The following FOXP2 variants were observed in gnomAD, a reference collection of about 807,000 sequenced individuals.
FOXP2 encodes the protein forkhead box P2.
Under a neutral mutation model 115.8 loss-of-function variants are expected in FOXP2, and 12 were observed. That is an observed-to-expected ratio of 0.10 (90% CI 0.07 to 0.17). The LOEUF (loss-of-function observed/expected upper bound fraction) is 0.17, where lower values mean the gene tolerates loss of function less well. Among genes scored for constraint, FOXP2 ranks in the 10% least tolerant of loss-of-function variants. The pLI, the probability that FOXP2 is intolerant of heterozygous loss-of-function variation, is 1.00. For synonymous variants in FOXP2, 328 were observed against 297.7 expected, an observed-to-expected ratio of 1.10 and a Z score of -1.05; for missense variants, 629 against 843.5, an observed-to-expected ratio of 0.75 and a Z score of 3.15.
intron 1 of FOXP2, among the ~76,000 whole-genome samples, chr7:114,269,860 A>G (rs781777657): frequency 5.3e-5 from 8 of 152,236 alleles, no homozygotes; most frequent in Admixed American, 2.0e-4. Flanking sequence ...CTAGAGCTCT[A>G]TGTTTGCAAA....
intron 1 of FOXP2, among the ~76,000 whole-genome samples, chr7:114,189,962 T>C (rs1793713113): frequency 6.6e-6 from 1 of 152,098 alleles, no homozygotes; most frequent in South Asian, 2.1e-4. Flanking sequence ...ATTGAAGAAA[T>C]TTTACTTTAG....
intron 3 of FOXP2, among the ~76,000 whole-genome samples, chr7:114,614,319 T>A (rs1031413883): frequency 1.3e-5 from 2 of 152,214 alleles, no homozygotes; most frequent in African/African-American, 4.8e-5. Context: ...AATGTTCATA[T>A]GTAAAAGAGA....
intron 1 of FOXP2, among the ~76,000 whole-genome samples, chr7:114,284,627 C>T (rs1249376687): frequency 6.6e-6 from 1 of 152,070 alleles, no homozygotes; most frequent in East Asian, 1.9e-4. Flanking sequence ...TAAATTAGTT[C>T]AACCATTATA....
intron 1 of FOXP2, among the ~76,000 whole-genome samples, chr7:114,214,297 C>T (rs1794432835): frequency 6.6e-6 from 1 of 152,122 alleles, no homozygotes; most frequent in Non-Finnish European, 1.5e-5. Context: ...GCTCACAGTC[C>T]TACTATACAG....
chr7:114,258,424 G>T (rs1795673087), intron 1 of FOXP2, among the ~76,000 whole-genome samples: 1 of 152,114 alleles, frequency 6.6e-6, no homozygotes, highest in Non-Finnish European at 1.5e-5. Flanking sequence ...AGTATTATAG[G>T]ATCACCTTTT....
At chr7:114,514,086 TACAC>T (rs141664873) in intron 2 of FOXP2, among the ~76,000 whole-genome samples, 8,633 of 148,470 alleles carry the variant, frequency 0.058, 286 homozygotes, top group Middle Eastern at 0.099. Flanking sequence ...TTGTATCTTA[TACAC>T]ACACACACAC....
At chr7:114,265,760 A>C (rs1443030412) in intron 1 of FOXP2, among the ~76,000 whole-genome samples, 1 of 152,044 alleles carries the variant, frequency 6.6e-6, no homozygotes, top group Non-Finnish European at 1.5e-5. Context: ...GGAGGCTGCC[A>C]AACCTCCTTA....
chr7:114,301,197 G>A (rs1270023174), intron 2 of FOXP2, among the ~76,000 whole-genome samples: 1 of 151,888 alleles, frequency 6.6e-6, no homozygotes, highest in Non-Finnish European at 1.5e-5. Context: ...TTTTCAAAAC[G>A]CTGAAAACCA....
intron 2 of FOXP2, among the ~76,000 whole-genome samples, chr7:114,472,848 T>G (rs1340300900): frequency 6.6e-6 from 1 of 152,108 alleles, no homozygotes; most frequent in Non-Finnish European, 1.5e-5. Flanking sequence ...AGTGTGTGTG[T>G]GGGTAGGTGT....
intron 2 of FOXP2, among the ~76,000 whole-genome samples, chr7:114,479,877 CA>C (rs1464396705): frequency 1.3e-5 from 2 of 151,446 alleles, no homozygotes. Flanking sequence ...TAGTTGTTCA[CA>C]CTAGACATAG....
At chr7:114,542,697 A>C (rs1216259129) in intron 3 of FOXP2, among the ~76,000 whole-genome samples, 1 of 152,038 alleles carries the variant, frequency 6.6e-6, no homozygotes, top group Non-Finnish European at 1.5e-5. Context: ...GATTGTGCTG[A>C]TTGTGATTAT....
intron 2 of FOXP2, among the ~76,000 whole-genome samples, chr7:114,300,207 T>C (rs1796845864): frequency 6.6e-6 from 1 of 152,140 alleles, no homozygotes; most frequent in African/African-American, 2.4e-5. Context: ...GATTCCATAT[T>C]TCCTTACATC....
chr7:114,187,383 C>T (rs1256464308), intron 1 of FOXP2, among the ~76,000 whole-genome samples: 2 of 152,154 alleles, frequency 1.3e-5, no homozygotes, highest in East Asian at 1.9e-4. Flanking sequence ...AGTCCTAGTA[C>T]ACAGACATTC....
At chr7:114,113,179 G>A (rs754569145) in intron 1 of FOXP2, among the ~76,000 whole-genome samples, 17 of 152,092 alleles carry the variant, frequency 1.1e-4, no homozygotes, top group Middle Eastern at 3.4e-3. Context: ...TGGTGTTCAC[G>A]AACATGATCA....
At chr7:114,612,441 A>ATG (rs1803686660) in intron 3 of FOXP2, among the ~76,000 whole-genome samples, 1 of 152,050 alleles carries the variant, frequency 6.6e-6, no homozygotes, top group African/African-American at 2.4e-5. Context: ...ACACACACAT[A>ATG]TATATATAGT....
chr7:114,422,849 G>A (rs1001358867), intron 1 of FOXP2, among the ~76,000 whole-genome samples: 1 of 151,576 alleles, frequency 6.6e-6, no homozygotes. Context: ...ATAACTCTAC[G>A]AGGAAGAAAT....
At position 114,629,860 on chromosome 7, in the gene FOXP2, T is replaced by TGCA. The variant is rs776565646; in HGVS notation, c.465_467dup (p.Gln191dup). On this transcript the variant is annotated inframe_insertion, in exon 5 of 17. Transcript: ENST00000350908. ...CAAGAGCAGTTACATCTTCAGCTTT[T>TGCA]GCAGCAGCAGCAGCAACAGCAGCAG... 7 of 1,602,362 alleles carry TGCA rather than the reference T, an allele frequency of 4.4e-6. No homozygotes were observed. The highest frequency in any genetic ancestry group is 5.9e-6 in the Non-Finnish European group (7 of 1,176,808).
intron 3 of FOXP2, among the ~76,000 whole-genome samples, chr7:114,589,625 G>T (rs947448162): frequency 6.6e-6 from 1 of 152,122 alleles, no homozygotes; most frequent in African/African-American, 2.4e-5. Context: ...ACTTTATCCT[G>T]GGGGCAAAAG....
chr7:114,495,479 CTCTCTT>C (rs1797263750), intron 2 of FOXP2, among the ~76,000 whole-genome samples: 1 of 94,076 alleles, frequency 1.1e-5, no homozygotes, highest in Non-Finnish European at 2.2e-5. Context: ...TTCTTTCTCT[CTCTCTT>C]TTTTTTTTTT....
Sources: allele counts gnomAD v4.1 joint callset (sites outside exome capture counted in the v4.1 genomes callset), GRCh38; gene constraint gnomAD v4.1.1; transcripts MANE v1.5; gene names NCBI Gene and HGNC (gene_info 2026-07-23, HGNC 2026-07-21).